The following APOL1 variants were observed in gnomAD, a reference collection of about 807,000 sequenced individuals.
The protein encoded by APOL1 is apolipoprotein L1.
In APOL1, 17 loss-of-function variants were observed where a neutral mutation model predicts 14.9. The ratio of observed to expected loss-of-function variants is 1.14; its 90% CI spans 0.78 to 1.71. The LOEUF is 1.71. Among genes scored for constraint, APOL1 ranks in the 40% most tolerant of loss-of-function variants. APOL1 has a pLI of 0.00. For synonymous variants in APOL1, 195 were observed against 184.8 expected (o/e 1.05, Z -0.45); for missense variants, 523 against 485.9 (o/e 1.08, Z -0.72).
In APOL1 at chr22:36,254,960, A is replaced by G; in HGVS notation, c.5A>G (p.Glu2Gly). Residue 2 changes from glutamate (E) to glycine (G), a missense_variant, in exon 2 of 6, where the codon GAG (glutamate) becomes GGG (glycine). Physicochemically the swap from Glu to Gly is moderately conservative, Grantham distance 98. Coordinates refer to ENST00000397278, the MANE Select transcript of APOL1 (RefSeq NM_003661.4). M[E>G]GAALLRVSVL... Reference sequence around the variant, plus strand: ...AGGAGGAGGCCCTGCAGCGACATGGAGGGAGCTGCTTTGCTGAGAGTCTCT... The same window carrying G: ...AGGAGGAGGCCCTGCAGCGACATGGGGGGAGCTGCTTTGCTGAGAGTCTCT... The G allele has an allele frequency of 6.2e-7, 1 of 1,614,064 alleles. No homozygotes were observed. Among genetic ancestry groups the G allele is most frequent in the Non-Finnish European group, 8.5e-7 (1 of 1,179,928 alleles).
Position 36,266,146 on chromosome 22 carries a change from A to C in APOL1, c.*113A>C. The stretch of plus-strand genomic sequence containing the variant: ...TTGCTCTGTCGCCAAGTTGGAGTGC[A>C]ATGGTGCGATCTCAGCTCACTGCAA... On this transcript the variant is annotated 3_prime_UTR_variant, in exon 6 of 6. Transcript: ENST00000397278. 1 of 1,209,990 alleles carries C rather than the reference A, an allele frequency of 8.3e-7. No homozygotes were observed. The highest frequency in any genetic ancestry group is 1.1e-6 in the Non-Finnish European group (1 of 874,874). The allele number at this position is 1,209,990 out of a possible 1,614,324, so 75.0% of individuals were successfully genotyped here. A position where few individuals can be genotyped will look rare whatever the true frequency, so the allele number is the denominator to read the frequency against.
chr22:36,253,364 C>T (rs761594968), intron 1 of APOL1, 145 bp downstream of exon 1: 7 of 257,352 alleles, frequency 2.7e-5, no homozygotes, highest in Non-Finnish European at 5.4e-5. Flanking sequence ...TGATTGCTTC[C>T]CCTCTCCTGC....
chr22:36,254,014 G>A lies in APOL1; in HGVS notation c.-20+795G>A, dbSNP rs778855973. 1.9e-6 allele frequency: 3 copies of A among 1,613,470 alleles called. No individual in the cohort carries two copies. In the Admixed American group the frequency reaches 5.0e-5, roughly 27 times the overall value. ...ATTGTGAGTATAACTACAGGAGTGAGAGCTTAGATCTCTGTGTTCATAGAA... is the reference window on the plus strand; with the variant it reads ...ATTGTGAGTATAACTACAGGAGTGAAAGCTTAGATCTCTGTGTTCATAGAA... On this transcript the variant is annotated intron_variant, in intron 1 of 5. Coordinates refer to ENST00000397278, the MANE Select transcript of APOL1 (RefSeq NM_003661.4).
chr22:36,259,908 T>C (rs1281501427), intron 4 of APOL1: 2 of 1,299,098 alleles, frequency 1.5e-6, no homozygotes, highest in Non-Finnish European at 2.0e-6. Context: ...AAACTTTAAA[T>C]AGCCCCACAG....
chr22:36,258,147 C>T lies in APOL1; in HGVS notation c.187+740C>T, dbSNP rs562757667. On this transcript the variant is annotated intron_variant, in intron 4 of 5. Coordinates refer to ENST00000397278, the MANE Select transcript of APOL1 (RefSeq NM_003661.4). ...TGTTGATTCCAGGTGGAAGCCACCC[C>T]GTCCCCCCCCAGCTGTGTTAGGGCA... is the stretch of plus-strand genomic sequence containing the variant. 1.8e-4 allele frequency among the ~76,000 whole-genome samples: 28 copies of T among 152,220 alleles called. No homozygotes were observed. In the East Asian group the frequency reaches 3.1e-3, roughly 17 times the overall value.
chr22:36,256,550 A>G (rs1359431164), intron 2 of APOL1, among the ~76,000 whole-genome samples: 1 of 152,224 alleles, frequency 6.6e-6, no homozygotes. Context: ...GGCAAGATCC[A>G]GGTCTTTGTG....
intron 5 of APOL1, among the ~76,000 whole-genome samples, chr22:36,262,719 C>T (rs569023527): frequency 1.8e-4 from 28 of 152,270 alleles, no homozygotes; most frequent in African/African-American, 6.7e-4. Flanking sequence ...TGGATGATCC[C>T]AACACTCATG....
At chr22:36,256,750 G>A (rs2015894359) in intron 2 of APOL1, among the ~76,000 whole-genome samples, 1 of 152,216 alleles carries the variant, frequency 6.6e-6, no homozygotes, top group Admixed American at 6.5e-5. Context: ...TTGAAAACAT[G>A]GGGTTGAAGC....
intron 5 of APOL1, among the ~76,000 whole-genome samples, chr22:36,264,549 G>A (rs1054893947): frequency 6.6e-6 from 1 of 152,138 alleles, no homozygotes; most frequent in Non-Finnish European, 1.5e-5. Context: ...TGGCAGTCAC[G>A]GTGTTGACCT....
chr22:36,256,508 T>C (rs1407598866), intron 2 of APOL1, among the ~76,000 whole-genome samples: 1 of 152,174 alleles, frequency 6.6e-6, no homozygotes, highest in African/African-American at 2.4e-5. Context: ...CAGGAGGGCT[T>C]GGCAGCCACA....
rs773638806 is a variant in APOL1 at position 36,255,000 on chromosome 22, G to T, written c.44+1G>T. Reference sequence around the variant, plus strand: ...TGAGAGTCTCTGTCCTCTGCATCTGGTGAGCTTGGCTCAGAGCCCTGAGGC... The same window carrying T: ...TGAGAGTCTCTGTCCTCTGCATCTGTTGAGCTTGGCTCAGAGCCCTGAGGC... On this transcript the variant is annotated splice_donor_variant, in intron 2 of 5. Transcript: ENST00000397278. LOFTEE classifies it high-confidence loss of function. The T allele has an allele frequency of 3.1e-6, 5 of 1,613,684 alleles. No individual in the cohort carries two copies. In the South Asian group the frequency reaches 5.5e-5, roughly 18 times the overall value.
At position 36,265,875 on chromosome 22, in the gene APOL1, C is replaced by A. The variant is rs1168766690; in HGVS notation, c.1039C>A (p.Leu347Met). Reference protein sequence around the residue: ...DVAPVSFFLVLDVVYLVYESK... With the variant: ...DVAPVSFFLVMDVVYLVYESK... ...GGCCCCTGTAAGCTTCTTTCTTGTG[C>A]TGGATGTAGTCTACCTCGTGTACGA... The change falls in exon 6 of 6, where the codon CTG becomes ATG. Residue 347 changes from leucine (L) to methionine (M), a missense_variant. Transcript: ENST00000397278. 1 of 1,614,152 alleles carries A rather than the reference C, an allele frequency of 6.2e-7. No individual in the cohort carries two copies. Among genetic ancestry groups the A allele is most frequent in the South Asian group, 1.1e-5 (1 of 91,078 alleles).
chr22:36,262,358 C>T (rs917492122), intron 5 of APOL1, among the ~76,000 whole-genome samples: 1 of 152,170 alleles, frequency 6.6e-6, no homozygotes, highest in Non-Finnish European at 1.5e-5. Context: ...CTGTCTGTGT[C>T]CAGTCCCTGG....
At chr22:36,253,744 C>A in intron 1 of APOL1, 1 of 576,000 alleles carries the variant, frequency 1.7e-6, no homozygotes, top group Non-Finnish European at 3.1e-6. Context: ...GCCCTGGGAG[C>A]GGAATGACTT....
rs2015919157 is a variant in APOL1 at position 36,257,375 on chromosome 22, T to A, written c.155T>A (p.Leu52His). 6.2e-7 allele frequency: 1 copy of A among 1,613,988 alleles called. No homozygotes were observed. Among genetic ancestry groups the A allele is most frequent in the African/African-American group, 1.3e-5 (1 of 74,906 alleles). The change falls in exon 4 of 6, where the codon CTC (leucine) becomes CAC (histidine). Residue 52 changes from leucine to histidine, a missense_variant. Physicochemically the swap from Leu to His is moderately conservative, Grantham distance 99 (BLOSUM62 -3). Transcript: ENST00000397278. ...ACTGGAGATCCTCAAAGTAAGCCCC[T>A]CGGTGACTGGGCTGCTGGCACCATG... ...TDTGDPQSKP[L>H]GDWAAGTMDP...
At chr22:36,255,290 CG>C (rs1482522486) in intron 2 of APOL1, among the ~76,000 whole-genome samples, 1 of 152,232 alleles carries the variant, frequency 6.6e-6, no homozygotes, top group African/African-American at 2.4e-5. Context: ...TCACAAGTGT[CG>C]GGGGAATCCG....
intron 4 of APOL1, among the ~76,000 whole-genome samples, chr22:36,258,845 G>A (rs1423331158): frequency 2.6e-5 from 4 of 152,188 alleles, no homozygotes; most frequent in Non-Finnish European, 5.9e-5. Flanking sequence ...GTGGGGTTTA[G>A]TGAGACAAGG....
At position 36,265,251 on chromosome 22, in the gene APOL1, TG is replaced by T. The variant is rs1328888386; in HGVS notation, c.417del (p.Trp139CysfsTer3). ...WHDKGQQYRN[W>X]FLKEFPRLKS... ...CGATAAAGGCCAGCAGTACAGAAAC[TG>T]GTTTCTGAAAGAGTTTCCTCGGTTG... On this transcript the variant is annotated frameshift_variant, in exon 6 of 6. Transcript: ENST00000397278. LOFTEE classifies it low-confidence loss of function (END_TRUNC). The T allele has an allele frequency of 6.2e-7, 1 of 1,614,132 alleles. No individual in the cohort carries two copies. Among genetic ancestry groups the T allele is most frequent in the Non-Finnish European group, 8.5e-7 (1 of 1,180,020 alleles).
intron 2 of APOL1, among the ~76,000 whole-genome samples, chr22:36,255,246 T>A (rs574887572): frequency 6.6e-4 from 100 of 152,324 alleles, no homozygotes; most frequent in African/African-American, 2.1e-3. Flanking sequence ...AGGCCAACAA[T>A]GACCAAGGAG....
Sources: gnomAD v4.1 joint callset for allele counts (sites outside exome capture counted in the v4.1 genomes callset) on GRCh38, gnomAD v4.1.1 for gene constraint, MANE v1.5 for transcripts, NCBI Gene and HGNC (gene_info 2026-07-23, HGNC 2026-07-21) for gene names.